LRRC4C: variants seen among roughly 807,000 people sequenced by gnomAD.
LRRC4C encodes leucine-rich repeat-containing protein 4C.
A neutral mutation model predicts 33.6 loss-of-function variants in LRRC4C; 5 were observed. The observed-to-expected ratio is 0.15, with a 90% CI of 0.08 to 0.31. The LOEUF (loss-of-function observed/expected upper bound fraction) is 0.31. LRRC4C is among the 10% of genes least tolerant of loss of function. The pLI, the probability that LRRC4C is intolerant of heterozygous loss-of-function variation, is 1.00. For missense variants in LRRC4C, 560 were observed against 796.7 expected (o/e 0.70, Z 3.58); for synonymous variants, 329 against 302.0 (o/e 1.09, Z -0.93).
chr11:40,863,748 C>A (rs1954216066), intron 2 of LRRC4C, among the ~76,000 whole-genome samples: 1 of 152,124 alleles, frequency 6.6e-6, no homozygotes. Flanking sequence ...TGTTGCTATT[C>A]ATTAAATTTA....
intron 5 of LRRC4C, among the ~76,000 whole-genome samples, chr11:40,237,805 C>A (rs973539378): frequency 6.6e-6 from 1 of 152,026 alleles, no homozygotes; most frequent in Non-Finnish European, 1.5e-5. Context: ...TGACAAAAAT[C>A]AAAATAATAT....
At chr11:41,065,809 G>A (rs543777416) in intron 1 of LRRC4C, among the ~76,000 whole-genome samples, 4 of 152,212 alleles carry the variant, frequency 2.6e-5, no homozygotes, top group South Asian at 4.2e-4. Flanking sequence ...TGCAGCAGAC[G>A]TGCCGAAGAG....
intron 3 of LRRC4C, among the ~76,000 whole-genome samples, chr11:40,640,312 C>T (rs1369970235): frequency 1.3e-5 from 2 of 151,972 alleles, no homozygotes. Flanking sequence ...TATACAAGTC[C>T]TTTTATTTCT....
chr11:40,966,180 G>A (rs142221625), intron 1 of LRRC4C, among the ~76,000 whole-genome samples: 1 of 151,996 alleles, frequency 6.6e-6, no homozygotes, highest in African/African-American at 2.4e-5. Context: ...GCATGTTACA[G>A]GCTCATCCTC....
At chr11:41,040,927 C>G (rs1212971552) in intron 1 of LRRC4C, among the ~76,000 whole-genome samples, 1 of 152,092 alleles carries the variant, frequency 6.6e-6, no homozygotes, top group Non-Finnish European at 1.5e-5. Flanking sequence ...GCAACGCATG[C>G]CTCAGAACAG....
intron 2 of LRRC4C, among the ~76,000 whole-genome samples, chr11:40,678,741 T>G (rs1028547389): frequency 2.0e-5 from 3 of 152,140 alleles, no homozygotes; most frequent in Non-Finnish European, 2.9e-5. Context: ...CCAGGATTGT[T>G]AGGCCCCCCA....
intron 3 of LRRC4C, among the ~76,000 whole-genome samples, chr11:40,374,566 G>A (rs74895237): frequency 0.075 from 11,374 of 152,108 alleles, 1,364 homozygotes; most frequent in African/African-American, 0.25. Flanking sequence ...AGATTTGGGG[G>A]AAGTTTAAGA....
Position 40,554,715 on chromosome 11 carries a change from T to G in LRRC4C, c.-270+93427A>C, listed in dbSNP as rs1353001372. Among the ~76,000 whole-genome samples the G allele has an allele frequency of 7.3e-5, 11 of 151,112 alleles. No individual in the cohort carries two copies. The East Asian group carries it at 2.2e-3, about 30-fold the overall frequency. On this transcript the variant is annotated intron_variant, in intron 3 of 6. Transcript: ENST00000528697. Reference sequence around the variant, plus strand: ...TATATTCCTACTTTTTGTGTATGGCTACTGTAAATGGGATTGCATTCTTTT... The same window carrying G: ...TATATTCCTACTTTTTGTGTATGGCGACTGTAAATGGGATTGCATTCTTTT...
At chr11:41,240,259 G>T (rs181626960) in intron 1 of LRRC4C, among the ~76,000 whole-genome samples, 1 of 152,270 alleles carries the variant, frequency 6.6e-6, no homozygotes, top group Non-Finnish European at 1.5e-5. Context: ...GGTAACTGCA[G>T]CTATCCACAG....
At chr11:40,336,433 T>C (rs113293138) in intron 3 of LRRC4C, among the ~76,000 whole-genome samples, 84 of 152,294 alleles carry the variant, frequency 5.5e-4, no homozygotes, top group African/African-American at 2.0e-3. Flanking sequence ...CAAACTTGAA[T>C]GCCGCAGGCT....
intron 2 of LRRC4C, among the ~76,000 whole-genome samples, chr11:40,686,761 A>G (rs2136369957): frequency 6.6e-6 from 1 of 152,262 alleles, no homozygotes; most frequent in East Asian, 1.9e-4. Flanking sequence ...AATTGACTTG[A>G]AATCTCTATT....
intron 1 of LRRC4C, among the ~76,000 whole-genome samples, chr11:41,235,791 A>G (rs1232556347): frequency 6.6e-6 from 1 of 152,112 alleles, no homozygotes; most frequent in Non-Finnish European, 1.5e-5. Context: ...ATTTATATGT[A>G]TACATGTTCT....
chr11:41,368,980 AT>A (rs1307579187), intron 1 of LRRC4C, among the ~76,000 whole-genome samples: 1 of 152,120 alleles, frequency 6.6e-6, no homozygotes, highest in Non-Finnish European at 1.5e-5. Flanking sequence ...TCTACTTTCT[AT>A]TTTTCTCTGT....
At chr11:41,140,152 T>C (rs1420883916) in intron 1 of LRRC4C, among the ~76,000 whole-genome samples, 1 of 152,154 alleles carries the variant, frequency 6.6e-6, no homozygotes, top group Non-Finnish European at 1.5e-5. Context: ...CCTCACTTAG[T>C]GAAGACTAAT....
At chr11:40,554,367 G>C (rs1957247847) in intron 3 of LRRC4C, among the ~76,000 whole-genome samples, 1 of 152,128 alleles carries the variant, frequency 6.6e-6, no homozygotes, top group African/African-American at 2.4e-5. Flanking sequence ...CTGTAGTCTT[G>C]TAGTGTAGTT....
intron 2 of LRRC4C, among the ~76,000 whole-genome samples, chr11:40,842,565 C>T (rs1952959242): frequency 6.6e-6 from 1 of 152,092 alleles, no homozygotes; most frequent in African/African-American, 2.4e-5. Flanking sequence ...AAAATCTACT[C>T]TTTTAGCAAG....
At chr11:41,097,329 G>T (rs11036230) in intron 1 of LRRC4C, among the ~76,000 whole-genome samples, 4 of 152,182 alleles carry the variant, frequency 2.6e-5, no homozygotes, top group East Asian at 3.9e-4. Flanking sequence ...TTGTCCTCTG[G>T]ATGCCTAAAT....
chr11:40,912,475 C>A (rs928907099), intron 2 of LRRC4C, among the ~76,000 whole-genome samples: 3,493 of 152,160 alleles, frequency 0.023, 142 homozygotes, highest in African/African-American at 0.077. Context: ...GAAATAAAAT[C>A]CTTTACAGAC....
chr11:40,140,897 A>G (rs1016597044), intron 5 of LRRC4C, 44 bp from the exon 6 acceptor site: 4 of 152,392 alleles, frequency 2.6e-5, no homozygotes, highest in African/African-American at 9.7e-5. Flanking sequence ...AAAAGCATCC[A>G]TTAGAATAAT....
Sources: allele counts gnomAD v4.1 joint callset (sites outside exome capture counted in the v4.1 genomes callset), GRCh38; gene constraint gnomAD v4.1.1; transcripts MANE v1.5; gene names NCBI Gene and HGNC (gene_info 2026-07-23, HGNC 2026-07-21).